Variants in NOL6 observed in about 807,000 individuals in gnomAD.
The protein encoded by NOL6 is nucleolar RNA-associated protein.
Under a neutral mutation model 131.7 loss-of-function variants are expected in NOL6, and 33 were observed. That is an observed-to-expected ratio of 0.25 (90% CI 0.19 to 0.33). NOL6 has a LOEUF of 0.33. Ranked by LOEUF, NOL6 falls within the 10% of genes least tolerant of loss-of-function variation. NOL6 has a pLI of 1.00. For missense variants in NOL6, 1,297 were observed against 1,494.5 expected (o/e 0.87, Z 2.18); for synonymous variants, 580 against 605.7 (o/e 0.96, Z 0.62).
At chr9:33,470,317 T>C (rs1827374865) in intron 3 of NOL6, 126 bp from the exon 4 acceptor site, 1 of 838,750 alleles carries the variant, frequency 1.2e-6, no homozygotes, top group Non-Finnish European at 1.7e-6. Context: ...CCCATAACTA[T>C]GTCTTCCTTG....
chr9:33,471,806 G>A (rs1219024999), intron 3 of NOL6, among the ~76,000 whole-genome samples, 198 bp downstream of exon 3: 3 of 152,202 alleles, frequency 2.0e-5, no homozygotes, highest in Non-Finnish European at 2.9e-5. Context: ...TATATCCTAA[G>A]AACACAAATA....
chr9:33,468,479 G>A, intron 9 of NOL6, 29 bp downstream of exon 9: 1 of 1,613,764 alleles, frequency 6.2e-7, no homozygotes, highest in Non-Finnish European at 8.5e-7. Flanking sequence ...CAGGCCTCCT[G>A]GCATAGACCT....
Position 33,465,382 on chromosome 9 carries a change from A to G in NOL6, c.2529-23T>C, listed in dbSNP as rs768474928. ...AGTCTGCAGAGAGAAGGGGAGTGTC[A>G]GCGAGACTCAGGGCCCCACTGCCAC... On this transcript the variant is annotated intron_variant, in intron 19 of 25. Transcript: ENST00000297990. 6 of 1,565,588 alleles carry G rather than the reference A, an allele frequency of 3.8e-6. No individual in the cohort carries two copies. The South Asian group carries it at 5.8e-5, about 15-fold the overall frequency.
chr9:33,467,575 C>T lies in NOL6; in HGVS notation c.1603-59G>A. ...CAATCCTCCAGCCTGGCCTAGAAAC[C>T]TACTTTCTAGCTAGCTAGAAACGCC... On this transcript the variant is annotated intron_variant, in intron 12 of 25. Transcript: ENST00000297990. The surrounding 1 kb of genome is among the most constrained non-coding windows in gnomAD (Gnocchi z 4.4). The T allele has an allele frequency of 6.2e-7, 1 of 1,600,730 alleles. No individual in the cohort carries two copies. The highest frequency in any genetic ancestry group is 8.5e-7 in the Non-Finnish European group (1 of 1,171,314).
Position 33,467,246 on chromosome 9 carries a change from T to G in NOL6, c.1742A>C (p.Gln581Pro). 6.2e-7 allele frequency: 1 copy of G among 1,614,044 alleles called. No homozygotes were observed. Among genetic ancestry groups the G allele is most frequent in the Non-Finnish European group, 8.5e-7 (1 of 1,179,936 alleles). ...AAGCTCCGAGCGGGATCCCCAGAAC[T>G]GGCGGAATTTAGCAGCCTGAGGAGG... is the stretch of plus-strand genomic sequence containing the variant. Reference protein sequence around the residue: ...ADQPEAAKFRQFWGSRSELRR... With the variant: ...ADQPEAAKFRPFWGSRSELRR... Residue 581 changes from glutamine (Q) to proline (P), a missense_variant, in exon 14 of 26, where the codon CAG becomes CCG. Transcript: ENST00000297990. This position sits in a 1 kb window ranked among gnomAD's most constrained non-coding sequence, Gnocchi z 4.4.
Position 33,469,335 on chromosome 9 carries a change from T to A in NOL6, c.734A>T (p.Asp245Val). The A allele has an allele frequency of 6.2e-7, 1 of 1,613,958 alleles. No individual in the cohort carries two copies. Among genetic ancestry groups the A allele is most frequent in the African/African-American group, 1.3e-5 (1 of 74,988 alleles). ...PSLLLRPRGK[D>V]ERLVTVRLHP... is the part of the protein sequence containing the mutation. ...CAGACGTACAGTGACCAGGCGCTCA[T>A]CCTTTCCTGCCAGAGACAGTGAGTG... The change falls in exon 6 of 26, where the codon GAT (aspartate) becomes GTT (valine). Residue 245 changes from aspartate (D) to valine (V), a missense_variant. Transcript: ENST00000297990.
Position 33,468,982 on chromosome 9 carries a change from C to T in NOL6, c.1002G>A (p.Trp334Ter), listed in dbSNP as rs1563879940. ...CCTTGTCCAGCTCCCGCTGCCGCAG[C>T]CAGACCTTCAGAAGTGCCACGCCAT... Reference protein sequence around the residue: ...LKDGVALLKVWLRQRELDKGQ... With the variant: ...LKDGVALLKV Residue 334 changes from tryptophan (W) to a stop codon, truncating the protein, a stop_gained, in exon 7 of 26, where the codon TGG becomes TGA. Transcript: ENST00000297990. LOFTEE classifies it high-confidence loss of function. 1.2e-6 allele frequency: 2 copies of T among 1,614,164 alleles called. No homozygotes were observed. The highest frequency in any genetic ancestry group is 8.5e-7 in the Non-Finnish European group (1 of 1,180,012).
In NOL6 at chr9:33,462,086, G is replaced by T; in HGVS notation, c.*578C>A. 1.4e-6 allele frequency: 1 copy of T among 713,874 alleles called. No individual in the cohort carries two copies. The allele number at this position is 713,874 out of a possible 1,614,324, so 44.2% of individuals were successfully genotyped here. On this transcript the variant is annotated 3_prime_UTR_variant, in exon 26 of 26. Coordinates refer to ENST00000297990, the MANE Select transcript of NOL6 (RefSeq NM_022917.5). Reference sequence around the variant, plus strand: ...TTCTTTTCCACTGTCTCCACCCTGGGAAGTGGCATCAACACAGGAGGGCAT... The same window carrying T: ...TTCTTTTCCACTGTCTCCACCCTGGTAAGTGGCATCAACACAGGAGGGCAT...
chr9:33,468,828 G>T lies in NOL6; in HGVS notation c.1071C>A (p.Val357=), dbSNP rs766507506. The change falls in exon 8 of 26, where the codon GTC becomes GTA. Residue 357 remains valine (V), a synonymous_variant. Transcript: ENST00000297990. ...GGATCTTGCGTGTAGACACAAGGAA[G>T]ACAACCAGCATGGAGACAAGGAACC... The part of the protein sequence containing the change: ...FTGFLVSMLV[V]FLVSTRKIHT... The T allele has an allele frequency of 6.2e-7, 1 of 1,614,028 alleles. No homozygotes were observed. The highest frequency in any genetic ancestry group is 1.3e-5 in the African/African-American group (1 of 74,902).
At position 33,462,513 on chromosome 9, in the gene NOL6, C is replaced by G. The variant is rs1473514431; in HGVS notation, c.*151G>C. On this transcript the variant is annotated 3_prime_UTR_variant, in exon 26 of 26. Transcript: ENST00000297990. Reference sequence around the variant, plus strand: ...TGGAGCATCAGAGAGAAAGTTGGGGCTGGGTTTTGTTGGAGATGATTCAGC... The same window carrying G: ...TGGAGCATCAGAGAGAAAGTTGGGGGTGGGTTTTGTTGGAGATGATTCAGC... 3.5e-6 allele frequency: 3 copies of G among 862,110 alleles called. No individual in the cohort carries two copies. The South Asian group carries it at 5.2e-5, about 15-fold the overall frequency. The allele number at this position is 862,110 out of a possible 1,614,324, so 53.4% of individuals were successfully genotyped here.
rs200680937 is a variant in NOL6 at position 33,468,430 on chromosome 9, G to A, written c.1207-8C>T. On this transcript the variant is annotated splice_polypyrimidine_tract_variant and splice_region_variant and intron_variant, in intron 9 of 25. Coordinates refer to ENST00000297990, the MANE Select transcript of NOL6 (RefSeq NM_022917.5). ...GAAGTCAGCCAGGGCCGGCTTGGGGGGTGTAGAGAGAAGCAGGTCAGGATT... is the reference window on the plus strand; with the variant it reads ...GAAGTCAGCCAGGGCCGGCTTGGGGAGTGTAGAGAGAAGCAGGTCAGGATT... 1.2e-6 allele frequency: 2 copies of A among 1,614,038 alleles called. No homozygotes were observed. The highest frequency in any genetic ancestry group is 2.2e-5 in the East Asian group (1 of 44,876).
At chr9:33,470,550 C>T (rs758204681) in intron 3 of NOL6, 9 of 155,368 alleles carry the variant, frequency 5.8e-5, no homozygotes, top group Non-Finnish European at 1.1e-4. Flanking sequence ...CCGGGCATGG[C>T]GGCGTGCGCC....
chr9:33,465,832 C>G lies in NOL6; in HGVS notation c.2430G>C (p.Gln810His). Residue 810 changes from glutamine to histidine, a missense_variant, in exon 19 of 26, where the codon CAG (glutamine) becomes CAC (histidine). Gln to His is a conservative substitution (Grantham distance 24). Coordinates refer to ENST00000297990, the MANE Select transcript of NOL6 (RefSeq NM_022917.5). The stretch of plus-strand genomic sequence containing the variant: ...TCAGCGAGATCATCCCCTCTGGGCT[C>G]TGCACCTCCTTCAGGATCTGGGGCT... ...QREPQILKEVQSPEGMISLRD... is the reference protein window; with the variant it reads ...QREPQILKEVHSPEGMISLRD... 2 of 1,614,142 alleles carry G rather than the reference C, an allele frequency of 1.2e-6. No homozygotes were observed. Among genetic ancestry groups the G allele is most frequent in the Non-Finnish European group, 1.7e-6 (2 of 1,180,014 alleles).
Position 33,472,196 on chromosome 9 carries a change from T to C in NOL6, c.261+10A>G, listed in dbSNP as rs1198479497. ...CACCTCGAACAAAAGCTGCAGACAC[T>C]CAACAGTACCTGTAAACGAAGCAAG... On this transcript the variant is annotated intron_variant, in intron 2 of 25. Coordinates refer to ENST00000297990, the MANE Select transcript of NOL6 (RefSeq NM_022917.5). 8.7e-6 allele frequency: 14 copies of C among 1,613,918 alleles called. No homozygotes were observed. Among genetic ancestry groups the C allele is most frequent in the Non-Finnish European group, 1.2e-5 (14 of 1,179,928 alleles).
At chr9:33,469,363 G>A (rs1827344661) in intron 5 of NOL6, 22 bp from the exon 6 acceptor site, 5 of 1,613,810 alleles carry the variant, frequency 3.1e-6, no homozygotes, top group African/African-American at 1.3e-5. Context: ...AGTGAGTGCT[G>A]AGACTCTGCA....
chr9:33,467,171 G>C lies in NOL6; in HGVS notation c.1817C>G (p.Ala606Gly), dbSNP rs374819418. 6.2e-7 allele frequency: 1 copy of C among 1,614,070 alleles called. No homozygotes were observed. Among genetic ancestry groups the C allele is most frequent in the Non-Finnish European group, 8.5e-7 (1 of 1,180,052 alleles). Residue 606 changes from alanine to glycine, a missense_variant, in exon 14 of 26, where the codon GCC becomes GGC. Physicochemically the swap from Ala to Gly is moderately conservative, Grantham distance 60. Transcript: ENST00000297990. This position sits in a 1 kb window ranked among gnomAD's most constrained non-coding sequence, Gnocchi z 4.4. ...AATAAGGCGCTTCTGGGACATAGAG[G>C]CTGCCTCCCAGACCACAGCTTCCCG... ...AIREAVVWEA[A>G]SMSQKRLIPH...
rs749028391 is a variant in NOL6 at position 33,473,850 on chromosome 9, G to A, written c.-8C>T. On this transcript the variant is annotated 5_prime_UTR_variant, in exon 1 of 26. Coordinates refer to ENST00000297990, the MANE Select transcript of NOL6 (RefSeq NM_022917.5). ...AGCTGGCGCCGGCCCCATCACTCAG[G>A]GTCCAGCACTCTCCCGCACTTCAGA... 2 of 1,610,030 alleles carry A rather than the reference G, an allele frequency of 1.2e-6. No individual in the cohort carries two copies. Among genetic ancestry groups the A allele is most frequent in the Admixed American group, 3.3e-5 (2 of 59,990 alleles).
chr9:33,465,059 T>C, intron 20 of NOL6, 83 bp from the exon 21 acceptor site: 1 of 1,443,850 alleles, frequency 6.9e-7, no homozygotes, highest in Non-Finnish European at 9.6e-7. Flanking sequence ...TCAGACCCCC[T>C]GGTGTGGATT....
At position 33,463,450 on chromosome 9, in the gene NOL6, G is replaced by A. The variant is rs567890822; in HGVS notation, c.2995-9C>T. The A allele has an allele frequency of 4.1e-3, 6,521 of 1,599,298 alleles. 18 individuals are homozygous for A. The highest frequency in any genetic ancestry group is 5.1e-3 in the Non-Finnish European group (6,031 of 1,171,158). On this transcript the variant is annotated splice_polypyrimidine_tract_variant and intron_variant, in intron 23 of 25. Coordinates refer to ENST00000297990, the MANE Select transcript of NOL6 (RefSeq NM_022917.5). ...GGCGGCCGGAACACTGTCTAAGGAA[G>A]GGGAGAAGGAGGGGTCAGCAGGACC...
Sources: gnomAD v4.1 joint callset for allele counts (sites outside exome capture counted in the v4.1 genomes callset) on GRCh38, gnomAD v4.1.1 for gene constraint, Gnocchi (gnomAD v3.1) non-coding constraint, MANE v1.5 for transcripts, NCBI Gene and HGNC (gene_info 2026-07-23, HGNC 2026-07-21) for gene names.